Variants in CRYBB2 observed in about 807,000 individuals in gnomAD.
CRYBB2 encodes crystallin beta B2.
A neutral mutation model predicts 24.3 loss-of-function variants in CRYBB2; 12 were observed. That is an observed-to-expected ratio of 0.49 (90% CI 0.32 to 0.80). The LOEUF (loss-of-function observed/expected upper bound fraction) is 0.80, where lower values mean the gene tolerates loss of function less well. CRYBB2 is among the 30% of genes least tolerant of loss of function. CRYBB2 has a pLI of 0.04. For synonymous variants in CRYBB2, 98 were observed against 101.6 expected, an observed-to-expected ratio of 0.96 and a Z score of 0.21; for missense variants, 198 against 268.5, an observed-to-expected ratio of 0.74 and a Z score of 1.83.
Position 25,221,419 on chromosome 22 carries a change from G to A in CRYBB2, c.-11G>A. 1 of 1,613,098 alleles carries A rather than the reference G, an allele frequency of 6.2e-7. No individual in the cohort carries two copies. The highest frequency in any genetic ancestry group is 8.5e-7 in the Non-Finnish European group (1 of 1,179,138). Reference sequence around the variant, plus strand: ...TGTCTTCCAGGTCATTCCTGCACAGGACAGTCCACCATGGCCTCAGATCAC... The same window carrying A: ...TGTCTTCCAGGTCATTCCTGCACAGAACAGTCCACCATGGCCTCAGATCAC... On this transcript the variant is annotated 5_prime_UTR_variant, in exon 2 of 6. Transcript: ENST00000398215.
At chr22:25,218,676 AAGAG>A (rs1449973152), upstream of CRYBB2, among the ~76,000 whole-genome samples, 2 of 99,464 alleles carry the variant, frequency 2.0e-5, no homozygotes, top group Non-Finnish European at 3.8e-5. Context: ...AAAAGAAAGA[AAGAG>A]AAAGAAAGAA....
upstream of CRYBB2, among the ~76,000 whole-genome samples, chr22:25,215,806 C>A (rs1158240388): frequency 3.3e-5 from 5 of 152,198 alleles, no homozygotes; most frequent in Non-Finnish European, 7.3e-5. Context: ...TGAGCCTTAG[C>A]TTCCTTATCT....
chr22:25,218,779 G>GAGAGAGAAGAAAGA (rs1935251085), upstream of CRYBB2, among the ~76,000 whole-genome samples: 7 of 34,522 alleles, frequency 2.0e-4, no homozygotes, highest in South Asian at 2.4e-3. Context: ...GAGAGAGAGA[G>GAGAGAGAAGAAAGA]AAGAAAGAAA....
upstream of CRYBB2, among the ~76,000 whole-genome samples, chr22:25,216,115 A>G (rs995135477): frequency 2.6e-5 from 4 of 151,906 alleles, no homozygotes; most frequent in Non-Finnish European, 2.9e-5. Flanking sequence ...ATTCTTTCTT[A>G]TTTATAAGGA....
intron 3 of CRYBB2, among the ~76,000 whole-genome samples, chr22:25,225,400 T>C (rs891521654): frequency 3.3e-5 from 5 of 152,220 alleles, no homozygotes; most frequent in East Asian, 1.9e-4. Context: ...TGATGAAGCT[T>C]TTAGAACTGC....
chr22:25,221,174 T>C (rs893489844), intron 1 of CRYBB2, among the ~76,000 whole-genome samples: 1 of 152,240 alleles, frequency 6.6e-6, no homozygotes, highest in Non-Finnish European at 1.5e-5. Flanking sequence ...GCTCTCTTTC[T>C]TTGAGTAGAC....
chr22:25,225,178 C>T, intron 3 of CRYBB2, 142 bp downstream of exon 3: 2 of 722,734 alleles, frequency 2.8e-6, no homozygotes, highest in South Asian at 1.5e-5. Context: ...ATAATTCATG[C>T]TTTGCAGTCA....
intron 2 of CRYBB2, among the ~76,000 whole-genome samples, chr22:25,224,225 C>T (rs1935374182): frequency 6.6e-6 from 1 of 151,836 alleles, no homozygotes; most frequent in African/African-American, 2.4e-5. Context: ...CTTCACTTTG[C>T]AGAGCTTCAG....
Position 25,231,757 on chromosome 22 carries a change from C to T in CRYBB2, c.603C>T (p.Phe201=). The T allele has an allele frequency of 6.2e-7, 1 of 1,614,080 alleles. No homozygotes were observed. Among genetic ancestry groups the T allele is most frequent in the Non-Finnish European group, 8.5e-7 (1 of 1,179,962 alleles). ...RDMQWHQRGA[F]HPSN ...TGCAGTGGCACCAACGTGGTGCCTT[C>T]CACCCCTCCAACTAGTGCCCTCCCC... Residue 201 remains phenylalanine (F), a synonymous_variant, in exon 6 of 6, where the codon TTC becomes TTT. Coordinates refer to ENST00000398215, the MANE Select transcript of CRYBB2 (RefSeq NM_000496.3).
At chr22:25,217,180 T>G (rs1178885229), upstream of CRYBB2, among the ~76,000 whole-genome samples, 1 of 27,806 alleles carries the variant, frequency 3.6e-5, no homozygotes, top group Non-Finnish European at 5.9e-5. Flanking sequence ...TATGTTGGAT[T>G]TTTTTTTTTT....
chr22:25,218,835 A>AAAGAAAG (rs1445399964), upstream of CRYBB2, among the ~76,000 whole-genome samples: 1 of 116,382 alleles, frequency 8.6e-6, no homozygotes, highest in Non-Finnish European at 1.7e-5. Context: ...AGAAAGAAAG[A>AAAGAAAG]AAGAGAAAGA....
In CRYBB2 at chr22:25,231,820, G is replaced by T. The variant is rs1349672744; in HGVS notation, c.*48G>T. 1.3e-6 allele frequency: 2 copies of T among 1,584,874 alleles called. No homozygotes were observed. Among genetic ancestry groups the T allele is most frequent in the Non-Finnish European group, 1.7e-6 (2 of 1,153,606 alleles). On this transcript the variant is annotated 3_prime_UTR_variant, in exon 6 of 6. Coordinates refer to ENST00000398215, the MANE Select transcript of CRYBB2 (RefSeq NM_000496.3). ...TCCCAGGACCCAGGTCTGCTGCCCA[G>T]GAACCCTCCAGACCTCCCAGAGAGT...
chr22:25,214,878 C>G (rs1418460984), upstream of CRYBB2, among the ~76,000 whole-genome samples: 1 of 152,234 alleles, frequency 6.6e-6, no homozygotes, highest in Non-Finnish European at 1.5e-5. Flanking sequence ...AGAAAGTCTC[C>G]TCTCTGAGCC....
chr22:25,217,599 G>A (rs1417060267), upstream of CRYBB2, among the ~76,000 whole-genome samples: 1 of 152,168 alleles, frequency 6.6e-6, no homozygotes, highest in African/African-American at 2.4e-5. Context: ...TTACAGGCGT[G>A]AGCCGCTGTG....
upstream of CRYBB2, among the ~76,000 whole-genome samples, chr22:25,218,483 C>T (rs146577070): frequency 6.5e-4 from 98 of 151,378 alleles, no homozygotes; most frequent in African/African-American, 2.3e-3. Flanking sequence ...ATGTCAAAAC[C>T]CTGTCTCTAA....
chr22:25,227,948 G>A lies in CRYBB2; in HGVS notation c.269G>A (p.Arg90Lys). 6.2e-7 allele frequency: 1 copy of A among 1,614,144 alleles called. No individual in the cohort carries two copies. Among genetic ancestry groups the A allele is most frequent in the Non-Finnish European group, 8.5e-7 (1 of 1,180,024 alleles). ...TGGGACTCATGGACCAGCAGCCGAAGGACGGACTCCCTCAGCTCCCTGAGG... is the reference window on the plus strand; with the variant it reads ...TGGGACTCATGGACCAGCAGCCGAAAGACGGACTCCCTCAGCTCCCTGAGG... ...PRWDSWTSSR[R>K]TDSLSSLRPI... Residue 90 changes from arginine (R) to lysine (K), a missense_variant, in exon 4 of 6, where the codon AGG (arginine) becomes AAG (lysine). Physicochemically the swap from Arg to Lys is conservative, Grantham distance 26. Coordinates refer to ENST00000398215, the MANE Select transcript of CRYBB2 (RefSeq NM_000496.3).
intron 3 of CRYBB2, among the ~76,000 whole-genome samples, chr22:25,227,431 A>G (rs200297981): frequency 3.9e-4 from 59 of 151,610 alleles, no homozygotes; most frequent in Middle Eastern, 3.4e-3. Flanking sequence ...CAGCCGTGTC[A>G]TATTGATAGC....
chr22:25,218,199 C>A (rs997138992), upstream of CRYBB2, among the ~76,000 whole-genome samples: 1 of 151,114 alleles, frequency 6.6e-6, no homozygotes, highest in Non-Finnish European at 1.5e-5. Context: ...GCAGAGCTTG[C>A]AGTGAGCTGA....
chr22:25,220,166 G>T (rs1259263664), intron 1 of CRYBB2, among the ~76,000 whole-genome samples: 1 of 152,192 alleles, frequency 6.6e-6, no homozygotes, highest in Non-Finnish European at 1.5e-5. Context: ...TGCCACTAAA[G>T]CATGGTAGAA....
Sources: allele counts gnomAD v4.1 joint callset (sites outside exome capture counted in the v4.1 genomes callset), GRCh38; gene constraint gnomAD v4.1.1; transcripts MANE v1.5; gene names NCBI Gene and HGNC (gene_info 2026-07-23, HGNC 2026-07-21).